The following YTHDC2 variants were observed in gnomAD, a reference collection of about 807,000 sequenced individuals.
YTHDC2 encodes 3'-5' RNA helicase YTHDC2.
A neutral mutation model predicts 174.9 loss-of-function variants in YTHDC2; 45 were observed. That is an observed-to-expected ratio of 0.26 (90% CI 0.20 to 0.33). The LOEUF (loss-of-function observed/expected upper bound fraction) is 0.33, where lower values mean the gene tolerates loss of function less well. Ranked by LOEUF, YTHDC2 falls within the 10% of genes least tolerant of loss-of-function variation. YTHDC2 has a pLI of 1.00. For missense variants in YTHDC2, 1,650 were observed against 1,723.7 expected, an observed-to-expected ratio of 0.96 and a Z score of 0.76; for synonymous variants, 657 against 574.5, an observed-to-expected ratio of 1.14 and a Z score of -2.05.
At position 113,532,879 on chromosome 5, in the gene YTHDC2, A is replaced by G; in HGVS notation, c.676A>G (p.Ile226Val). Residue 226 changes from isoleucine (I) to valine (V), a missense_variant and splice_region_variant, in exon 5 of 30, where the codon ATT (isoleucine) becomes GTT (valine). Physicochemically the swap from Ile to Val is conservative, Grantham distance 29 (BLOSUM62 3). Transcript: ENST00000161863. ...ACAGTTTTTAAAACTTTTGTTTCAG[A>G]TTCCTCAGTTCCTTTTAGATGATTG... ...GETGSGKTTQIPQFLLDDCFK... is the reference protein window; with the variant it reads ...GETGSGKTTQVPQFLLDDCFK... The G allele has an allele frequency of 1.9e-6, 3 of 1,597,542 alleles. No individual in the cohort carries two copies. Among genetic ancestry groups the G allele is most frequent in the South Asian group, 1.1e-5 (1 of 88,450 alleles).
At chr5:113,549,118 C>A in intron 12 of YTHDC2, 98 bp downstream of exon 12, 3 of 992,266 alleles carry the variant, frequency 3.0e-6, no homozygotes, top group East Asian at 2.6e-5. Flanking sequence ...CATTTATAGT[C>A]TTTTATCCAG....
At chr5:113,547,579 T>A (rs1775969680) in intron 10 of YTHDC2, among the ~76,000 whole-genome samples, 1 of 151,772 alleles carries the variant, frequency 6.6e-6, no homozygotes, top group Non-Finnish European at 1.5e-5. Flanking sequence ...GGGGAGGCTA[T>A]ACATGTGTGA....
At chr5:113,525,956 CTCT>C (rs1484111486) in intron 3 of YTHDC2, among the ~76,000 whole-genome samples, 1 of 151,930 alleles carries the variant, frequency 6.6e-6, no homozygotes, top group East Asian at 1.9e-4. Context: ...CATTTCATAC[CTCT>C]TCTTTATTCC....
intron 26 of YTHDC2, among the ~76,000 whole-genome samples, chr5:113,589,682 T>G (rs1251264977): frequency 6.6e-6 from 1 of 151,826 alleles, no homozygotes; most frequent in Non-Finnish European, 1.5e-5. Flanking sequence ...TAGTGAGCTG[T>G]GATTGTGCCA....
chr5:113,533,472 C>T (rs1053131947), intron 5 of YTHDC2, among the ~76,000 whole-genome samples: 1 of 151,888 alleles, frequency 6.6e-6, no homozygotes, highest in Non-Finnish European at 1.5e-5. Flanking sequence ...TCGTTTGAAC[C>T]CGGAAGGCGG....
intron 10 of YTHDC2, among the ~76,000 whole-genome samples, 156 bp downstream of exon 10, chr5:113,542,659 C>T (rs897675851): frequency 1.3e-5 from 2 of 152,150 alleles, no homozygotes; most frequent in Non-Finnish European, 2.9e-5. Context: ...TCAGGATCTT[C>T]TTGCTAGCAC....
At chr5:113,581,318 G>A in intron 24 of YTHDC2, 99 bp from the exon 25 acceptor site, 2 of 1,126,510 alleles carry the variant, frequency 1.8e-6, no homozygotes, top group East Asian at 2.8e-5. Context: ...TGTGAAATAA[G>A]TTTGTTGGAA....
intron 2 of YTHDC2, among the ~76,000 whole-genome samples, chr5:113,522,889 A>G (rs1040437494): frequency 6.6e-5 from 10 of 152,164 alleles, no homozygotes; most frequent in Non-Finnish European, 1.2e-4. Context: ...AGTTGATATT[A>G]TCTTTCCATT....
intron 23 of YTHDC2, among the ~76,000 whole-genome samples, chr5:113,571,217 CTGCATCTAT>C (rs1777695778): frequency 6.6e-6 from 1 of 152,168 alleles, no homozygotes; most frequent in South Asian, 2.1e-4. Flanking sequence ...AAGGCCTTTT[CTGCATCTAT>C]TGAGATAATC....
intron 17 of YTHDC2, among the ~76,000 whole-genome samples, chr5:113,557,780 A>G (rs115386141): frequency 0.033 from 5,086 of 152,302 alleles, 124 homozygotes; most frequent in Non-Finnish European, 0.052. Context: ...AGCCGGAGCG[A>G]CAGAGCCAGA....
intron 10 of YTHDC2, among the ~76,000 whole-genome samples, chr5:113,544,128 A>G (rs2112631867): frequency 6.6e-6 from 1 of 152,202 alleles, no homozygotes; most frequent in Middle Eastern, 3.4e-3. Flanking sequence ...GTGCTGAAAA[A>G]TCTTTGTTGA....
intron 12 of YTHDC2, among the ~76,000 whole-genome samples, chr5:113,549,451 G>A (rs1354018188): frequency 6.6e-6 from 1 of 152,156 alleles, no homozygotes; most frequent in Non-Finnish European, 1.5e-5. Context: ...CAGTGCCAAT[G>A]AGAAACACTC....
chr5:113,548,545 T>A lies in YTHDC2; in HGVS notation c.1500T>A (p.Asp500Glu), dbSNP rs1317551780. The change falls in exon 11 of 30, where the codon GAT (aspartate) becomes GAA (glutamate). Residue 500 changes from aspartate (D) to glutamate (E), a missense_variant. Transcript: ENST00000161863. ...HLILTENVSV[D>E]YRHSETSATA... ...TTTATCTTTTCCTTTTTTTAGTTGA[T>A]TACAGACATAGTGAAACCAGTGCAA... is the stretch of plus-strand genomic sequence containing the variant. 6.3e-7 allele frequency: 1 copy of A among 1,593,664 alleles called. No individual in the cohort carries two copies. Among genetic ancestry groups the A allele is most frequent in the East Asian group, 2.2e-5 (1 of 44,660 alleles).
rs1289138682 is a variant in YTHDC2, at chr5:113,542,475, T to C, written c.1467T>C (p.Phe489=). Residue 489 remains phenylalanine (F), a synonymous_variant, in exon 10 of 30, where the codon TTT becomes TTC. Transcript: ENST00000161863. ...HKDIDAFAQV[F]HLILTENVSV... The stretch of plus-strand genomic sequence containing the variant: ...ATATTGATGCCTTTGCTCAGGTCTT[T>C]CATCTCATTTTAACTGAAAATGTTA... 2.5e-6 allele frequency: 4 copies of C among 1,607,010 alleles called. No homozygotes were observed. The highest frequency in any genetic ancestry group is 3.4e-6 in the Non-Finnish European group (4 of 1,178,140).
intron 24 of YTHDC2, 96 bp downstream of exon 24, chr5:113,579,791 C>G (rs1397676835): frequency 5.2e-6 from 7 of 1,348,140 alleles, no homozygotes; most frequent in Non-Finnish European, 4.8e-6. Flanking sequence ...CTATTGAGCC[C>G]TTAGTATCAG....
At chr5:113,568,258 A>G (rs2112739197) in intron 23 of YTHDC2, among the ~76,000 whole-genome samples, 1 of 152,254 alleles carries the variant, frequency 6.6e-6, no homozygotes, top group East Asian at 1.9e-4. Flanking sequence ...CTGTTATTTT[A>G]TATTTTGTTA....
intron 1 of YTHDC2, 104 bp from the exon 2 acceptor site, chr5:113,515,168 A>C (rs1373211922): frequency 5.9e-6 from 4 of 680,574 alleles, no homozygotes; most frequent in Non-Finnish European, 9.8e-6. Flanking sequence ...AGTATAATAA[A>C]TTTGATTGTC....
intron 2 of YTHDC2, among the ~76,000 whole-genome samples, chr5:113,524,449 G>T (rs1291203027): frequency 6.6e-6 from 1 of 152,068 alleles, no homozygotes; most frequent in African/African-American, 2.4e-5. Flanking sequence ...AAATGCATCT[G>T]AAATTATTTA....
chr5:113,557,462 A>G (rs1288638985), intron 17 of YTHDC2, among the ~76,000 whole-genome samples: 2 of 152,078 alleles, frequency 1.3e-5, no homozygotes, highest in Non-Finnish European at 2.9e-5. Context: ...TAGTGGCTTG[A>G]TACATTAAGC....
Sources: allele counts gnomAD v4.1 joint callset (sites outside exome capture counted in the v4.1 genomes callset), GRCh38; gene constraint gnomAD v4.1.1; transcripts MANE v1.5; gene names NCBI Gene and HGNC (gene_info 2026-07-23, HGNC 2026-07-21).